The following CSMD3 variants were observed in gnomAD, a reference collection of about 807,000 sequenced individuals.
The protein encoded by CSMD3 is CUB and Sushi multiple domains 3, also known as CUB and sushi domain-containing protein 3.
A neutral mutation model predicts 435.2 loss-of-function variants in CSMD3; 177 were observed. The ratio of observed to expected loss-of-function variants is 0.41; its 90% CI spans 0.36 to 0.46. The LOEUF is 0.46. Among genes scored for constraint, CSMD3 ranks in the 20% least tolerant of loss-of-function variants. The pLI is 0.34. For synonymous variants in CSMD3, 1,656 were observed against 1,520.5 expected (o/e 1.09, Z -2.07); for missense variants, 4,265 against 4,504.6 (o/e 0.95, Z 1.52).
chr8:113,248,373 T>A (rs959282696), intron 3 of CSMD3, among the ~76,000 whole-genome samples: 1 of 149,786 alleles, frequency 6.7e-6, no homozygotes, highest in African/African-American at 2.4e-5. Context: ...ACAATAGAGA[T>A]TTTAGTATAT....
chr8:113,228,143 T>G (rs2093048324), intron 3 of CSMD3, among the ~76,000 whole-genome samples: 1 of 151,622 alleles, frequency 6.6e-6, no homozygotes, highest in South Asian at 2.1e-4. Context: ...AGCTATAGCT[T>G]ATGGTCTTCA....
chr8:112,913,442 T>C (rs2082484096), intron 10 of CSMD3, among the ~76,000 whole-genome samples: 1 of 151,874 alleles, frequency 6.6e-6, no homozygotes, highest in Non-Finnish European at 1.5e-5. Flanking sequence ...CCTGGTTCCT[T>C]ACAGTCCACA....
At chr8:112,281,489 G>A (rs1350577215) in intron 58 of CSMD3, 139 bp from the exon 59 acceptor site, 8 of 672,818 alleles carry the variant, frequency 1.2e-5, no homozygotes, top group African/African-American at 1.1e-4. Context: ...AAGTATCTAG[G>A]TAGTTGAAAT....
intron 27 of CSMD3, among the ~76,000 whole-genome samples, chr8:112,525,516 C>A (rs1226588538): frequency 4.0e-5 from 6 of 149,118 alleles, no homozygotes; most frequent in Non-Finnish European, 6.0e-5. Flanking sequence ...GTCAGGAAAT[C>A]GAGACCATCC....
intron 11 of CSMD3, 98 bp downstream of exon 11, chr8:112,859,047 A>T (rs892603282): frequency 7.9e-5 from 90 of 1,132,132 alleles, no homozygotes; most frequent in Non-Finnish European, 1.1e-4. Context: ...ATCCTACTTG[A>T]GTTATAAATT....
intron 5 of CSMD3, among the ~76,000 whole-genome samples, chr8:113,075,375 T>C (rs1333693474): frequency 1.3e-5 from 2 of 151,856 alleles, no homozygotes; most frequent in Non-Finnish European, 3.0e-5. Flanking sequence ...CTAATCTTAG[T>C]CAAATTCTCT....
At chr8:112,352,111 A>C (rs533600501) in intron 39 of CSMD3, among the ~76,000 whole-genome samples, 1 of 152,278 alleles carries the variant, frequency 6.6e-6, no homozygotes, top group African/African-American at 2.4e-5. Context: ...AATAGAGACA[A>C]AAGTAAAGAT....
intron 7 of CSMD3, among the ~76,000 whole-genome samples, chr8:112,959,195 T>C (rs999960522): frequency 3.3e-5 from 5 of 152,208 alleles, no homozygotes; most frequent in Admixed American, 6.5e-5. Context: ...TAGCAGAACA[T>C]TGTTTTAATT....
intron 24 of CSMD3, among the ~76,000 whole-genome samples, chr8:112,563,714 C>G (rs1177230093): frequency 2.0e-5 from 3 of 151,984 alleles, no homozygotes; most frequent in Non-Finnish European, 4.4e-5. Flanking sequence ...AATTAATCTT[C>G]TAGGTGACTA....
chr8:113,239,498 TTATCTATCTATC>T (rs113240412), intron 3 of CSMD3, among the ~76,000 whole-genome samples: 5 of 149,004 alleles, frequency 3.4e-5, no homozygotes, highest in Non-Finnish European at 7.4e-5. Context: ...GTATGTAGTT[TTATCTATCTATC>T]TATCTATCTA....
intron 3 of CSMD3, among the ~76,000 whole-genome samples, chr8:113,240,929 A>C (rs1479666935): frequency 6.6e-6 from 1 of 152,066 alleles, no homozygotes; most frequent in Non-Finnish European, 1.5e-5. Context: ...CAATTTCTTC[A>C]AGTCTGTATG....
chr8:113,235,694 A>G (rs1009273774), intron 3 of CSMD3, among the ~76,000 whole-genome samples: 1 of 152,096 alleles, frequency 6.6e-6, no homozygotes, highest in African/African-American at 2.4e-5. Flanking sequence ...GTGAATTGGT[A>G]GATTGAATGG....
chr8:113,376,420 TAAC>T (rs1230443659), intron 1 of CSMD3, among the ~76,000 whole-genome samples: 5 of 152,078 alleles, frequency 3.3e-5, no homozygotes, highest in Non-Finnish European at 7.4e-5. Context: ...CAAATAATAA[TAAC>T]AAAAAATATA....
intron 6 of CSMD3, among the ~76,000 whole-genome samples, chr8:112,990,636 A>G (rs2085422670): frequency 6.6e-6 from 1 of 151,998 alleles, no homozygotes; most frequent in Non-Finnish European, 1.5e-5. Flanking sequence ...ACCCTGAGAC[A>G]AGACAGATTT....
At chr8:112,330,560 C>T (rs1823944808) in intron 45 of CSMD3, among the ~76,000 whole-genome samples, 2 of 152,022 alleles carry the variant, frequency 1.3e-5, no homozygotes, top group Non-Finnish European at 2.9e-5. Context: ...AATTTTTTCT[C>T]TTGGCACAGT....
At chr8:112,234,632 C>T (rs72672842) in intron 67 of CSMD3, among the ~76,000 whole-genome samples, 155 bp from the exon 68 acceptor site, 3,046 of 152,212 alleles carry the variant, frequency 0.02, 44 homozygotes, top group Middle Eastern at 0.034. Context: ...CTATAATGCT[C>T]TTTGCAAATC....
intron 6 of CSMD3, among the ~76,000 whole-genome samples, chr8:112,982,084 G>C (rs1241091718): frequency 6.6e-6 from 1 of 151,768 alleles, no homozygotes; most frequent in Non-Finnish European, 1.5e-5. Flanking sequence ...TCACCCAGTT[G>C]ATTAAGAGAA....
At chr8:112,582,295 C>G (rs1261028728) in intron 23 of CSMD3, among the ~76,000 whole-genome samples, 1 of 151,986 alleles carries the variant, frequency 6.6e-6, no homozygotes, top group Non-Finnish European at 1.5e-5. Flanking sequence ...GAGGTCCTCA[C>G]CAGAAGTCCA....
intron 12 of CSMD3, among the ~76,000 whole-genome samples, chr8:112,829,101 A>C (rs2132474303): frequency 6.6e-6 from 1 of 152,282 alleles, no homozygotes. Flanking sequence ...ACATACAATA[A>C]GGGCATTACC....
Sources: gnomAD v4.1 joint callset for allele counts (sites outside exome capture counted in the v4.1 genomes callset) on GRCh38, gnomAD v4.1.1 for gene constraint, MANE v1.5 for transcripts, NCBI Gene and HGNC (gene_info 2026-07-23, HGNC 2026-07-21) for gene names.